The following CCDC92B variants were observed in gnomAD, a reference collection of about 807,000 sequenced individuals.
CCDC92B encodes the protein coiled-coil domain containing 92B.
Under a neutral mutation model 5.6 loss-of-function variants are expected in CCDC92B, and 2 were observed. The ratio of observed to expected loss-of-function variants is 0.36; its 90% CI spans 0.15 to 1.12. The LOEUF (loss-of-function observed/expected upper bound fraction) is 1.12. CCDC92B is among the 50% of genes most tolerant of loss of function. The pLI is 0.40. For missense variants in CCDC92B, 271 were observed against 262.2 expected, an observed-to-expected ratio of 1.03 and a Z score of -0.23; for synonymous variants, 115 against 122.3, an observed-to-expected ratio of 0.94 and a Z score of 0.39.
At chr17:2,743,663 T>C (rs1157555499) in intron 1 of CCDC92B, among the ~76,000 whole-genome samples, 1 of 152,194 alleles carries the variant, frequency 6.6e-6, no homozygotes, top group Non-Finnish European at 1.5e-5. Flanking sequence ...TTGTACATGC[T>C]GTCCCCTCTG....
intron 3 of CCDC92B, 100 bp from the exon 4 acceptor site, chr17:2,725,100 C>A (rs1597231839): frequency 1.0e-6 from 1 of 985,598 alleles, no homozygotes; most frequent in East Asian, 1.1e-4. Context: ...AGGCCGGGCG[C>A]GGGGCCTCAT....
chr17:2,726,882 G>T (rs4790358), intron 3 of CCDC92B, among the ~76,000 whole-genome samples: 6 of 150,728 alleles, frequency 4.0e-5, no homozygotes, highest in Admixed American at 2.0e-4. Context: ...CAGAGTGCTG[G>T]GATTACAGGC....
At chr17:2,733,031 A>AAT (rs2070813580) in intron 2 of CCDC92B, among the ~76,000 whole-genome samples, 3 of 144,192 alleles carry the variant, frequency 2.1e-5, no homozygotes, top group Admixed American at 6.9e-5. Flanking sequence ...TAAATAAATA[A>AAT]AAATAAATAA....
chr17:2,740,785 T>C (rs1012463149), intron 1 of CCDC92B, among the ~76,000 whole-genome samples: 1 of 151,652 alleles, frequency 6.6e-6, no homozygotes, highest in African/African-American at 2.4e-5. Context: ...TTGGGCAACA[T>C]GATGAAACCT....
intron 1 of CCDC92B, among the ~76,000 whole-genome samples, chr17:2,740,036 T>A (rs1168617790): frequency 1.3e-5 from 2 of 152,026 alleles, no homozygotes; most frequent in Non-Finnish European, 2.9e-5. Context: ...TAAGGGCCAC[T>A]AAAGAGACCT....
At chr17:2,732,387 T>G (rs2070803472) in intron 2 of CCDC92B, among the ~76,000 whole-genome samples, 1 of 152,194 alleles carries the variant, frequency 6.6e-6, no homozygotes, top group Admixed American at 6.5e-5. Context: ...CAAGAGTGGC[T>G]GCTCTAGCCT....
chr17:2,731,200 G>T (rs551100155), intron 2 of CCDC92B, among the ~76,000 whole-genome samples: 2 of 152,262 alleles, frequency 1.3e-5, no homozygotes, highest in East Asian at 3.9e-4. Flanking sequence ...AAGGGCACTG[G>T]TGCAGGAGCA....
At chr17:2,741,279 G>C (rs1003184695) in intron 1 of CCDC92B, among the ~76,000 whole-genome samples, 42 of 151,948 alleles carry the variant, frequency 2.8e-4, no homozygotes, top group Non-Finnish European at 4.7e-4. Context: ...CTGAGAAACA[G>C]ACATTGCCGC....
chr17:2,734,049 C>T (rs1489440690), intron 2 of CCDC92B, among the ~76,000 whole-genome samples: 6 of 152,112 alleles, frequency 3.9e-5, no homozygotes, highest in African/African-American at 7.2e-5. Context: ...TGTGAGCCAC[C>T]GTGCCTGGCC....
At chr17:2,727,696 C>A (rs1484872133) in intron 3 of CCDC92B, among the ~76,000 whole-genome samples, 1 of 151,920 alleles carries the variant, frequency 6.6e-6, no homozygotes, top group African/African-American at 2.4e-5. Context: ...TGGTGGTGTG[C>A]GCCTGTGATC....
chr17:2,746,423 A>C (rs984313384), intron 1 of CCDC92B, among the ~76,000 whole-genome samples: 2 of 152,214 alleles, frequency 1.3e-5, no homozygotes, highest in African/African-American at 4.8e-5. Flanking sequence ...ATGTGTCTGA[A>C]AGTTACAAAT....
chr17:2,728,511 C>CAGA (rs1555534949), intron 3 of CCDC92B, among the ~76,000 whole-genome samples: 4 of 150,626 alleles, frequency 2.7e-5, no homozygotes, highest in Non-Finnish European at 5.9e-5. Flanking sequence ...GAGACTGAGG[C>CAGA]AGAATGGCGT....
At chr17:2,749,382 C>G (rs1336060145) in intron 1 of CCDC92B, 29 bp downstream of exon 1, 2 of 151,958 alleles carry the variant, frequency 1.3e-5, no homozygotes, top group African/African-American at 2.4e-5. Context: ...GCGCCCACAC[C>G]CCCCACGCCC....
chr17:2,748,716 T>C (rs1187736224), intron 1 of CCDC92B, among the ~76,000 whole-genome samples: 1 of 152,118 alleles, frequency 6.6e-6, no homozygotes, highest in Admixed American at 6.6e-5. Flanking sequence ...TATTAAAAAA[T>C]AAGTATGCTG....
At chr17:2,748,506 TTGTGTGTGTGTGTGTG>T (rs58659149) in intron 1 of CCDC92B, 8 of 972,362 alleles carry the variant, frequency 8.2e-6, no homozygotes, top group Non-Finnish European at 8.5e-6. Flanking sequence ...TTCATCGTGT[TTGTGTGTGTGTGTGTG>T]TGTGTGTGTG....
Position 2,727,694 on chromosome 17 carries a change from T to C in CCDC92B, c.179-2694A>G, listed in dbSNP as rs140092924. Among the ~76,000 whole-genome samples, 651 of 152,046 alleles carry C rather than the reference T, an allele frequency of 4.3e-3. 5 individuals are homozygous for C. The highest frequency in any genetic ancestry group is 0.014 in the African/African-American group (590 of 41,482). The stretch of plus-strand genomic sequence containing the variant: ...CAAAAATTAGCTGGGTATGGTGGTG[T>C]GCGCCTGTGATCCCAGCTACTTGGG... On this transcript the variant is annotated intron_variant, in intron 3 of 3. Coordinates refer to ENST00000614400, the MANE Select transcript of CCDC92B (RefSeq NM_001355573.2).
At position 2,722,452 on chromosome 17, in the gene CCDC92B, A is replaced by AC. The variant is rs2070668734; in HGVS notation, c.*1958dup. Reference sequence around the variant, plus strand: ...GCCATCTGCATCCCAGGAGCTGGACACCCCAGACCAGGCGTGGTTATTGCT... The same window carrying AC: ...GCCATCTGCATCCCAGGAGCTGGACACCCCCAGACCAGGCGTGGTTATTGCT... On this transcript the variant is annotated 3_prime_UTR_variant, in exon 4 of 4. Coordinates refer to ENST00000614400, the MANE Select transcript of CCDC92B (RefSeq NM_001355573.2). The AC allele has an allele frequency of 2.6e-5, 4 of 152,378 alleles. 1 individual carries two copies. The South Asian group carries it at 6.2e-4, about 24-fold the overall frequency. 9.4% of individuals were successfully genotyped at this position (152,378 alleles called of 1,614,324 possible).
At chr17:2,747,598 G>A (rs778403911) in intron 1 of CCDC92B, among the ~76,000 whole-genome samples, 10 of 152,158 alleles carry the variant, frequency 6.6e-5, no homozygotes, top group Non-Finnish European at 1.2e-4. Flanking sequence ...ATGATGGCAC[G>A]CACCTGTAGT....
intron 2 of CCDC92B, among the ~76,000 whole-genome samples, chr17:2,734,634 C>T (rs991043119): frequency 3.3e-5 from 5 of 151,950 alleles, no homozygotes; most frequent in Non-Finnish European, 7.4e-5. Context: ...GGACTACAAG[C>T]GCCCACCACC....
Sources: gnomAD v4.1 joint callset for allele counts (sites outside exome capture counted in the v4.1 genomes callset) on GRCh38, gnomAD v4.1.1 for gene constraint, MANE v1.5 for transcripts, NCBI Gene and HGNC (gene_info 2026-07-23, HGNC 2026-07-21) for gene names.